SUGCT: variants seen among roughly 807,000 people sequenced by gnomAD.
SUGCT encodes succinyl-CoA:glutarate CoA-transferase.
Under a neutral mutation model 55.0 loss-of-function variants are expected in SUGCT, and 41 were observed. The ratio of observed to expected loss-of-function variants is 0.74; its 90% CI spans 0.58 to 0.97. The LOEUF (loss-of-function observed/expected upper bound fraction) is 0.97. SUGCT is among the 50% of genes least tolerant of loss of function. The pLI, the probability that SUGCT is intolerant of heterozygous loss-of-function variation, is 0.00. For missense variants in SUGCT, 568 were observed against 547.8 expected, an observed-to-expected ratio of 1.04 and a Z score of -0.37; for synonymous variants, 187 against 200.4, an observed-to-expected ratio of 0.93 and a Z score of 0.56.
the SUGCT span, among the ~76,000 whole-genome samples, chr7:41,021,003 G>A: frequency 6.6e-6 from 1 of 152,204 alleles, no homozygotes; most frequent in Non-Finnish European, 1.5e-5. Context: ...TGTGGCCTCC[G>A]TGAGGCACAG....
chr7:40,527,459 C>A (rs1583901832), intron 12 of SUGCT, among the ~76,000 whole-genome samples: 2 of 152,110 alleles, frequency 1.3e-5, no homozygotes, highest in African/African-American at 4.8e-5. Context: ...TCCTGTGTCC[C>A]ATTTTAGATG....
At chr7:40,736,023 A>G (rs1488361591) in intron 12 of SUGCT, among the ~76,000 whole-genome samples, 1 of 151,930 alleles carries the variant, frequency 6.6e-6, no homozygotes, top group East Asian at 1.9e-4. Context: ...GGTAGATTAG[A>G]TAGAAGAGAG....
the SUGCT span, among the ~76,000 whole-genome samples, chr7:40,868,778 C>T: frequency 1.3e-5 from 2 of 152,112 alleles, no homozygotes; most frequent in African/African-American, 4.8e-5. Flanking sequence ...AAATTCCTGG[C>T]CTCAAGTGAT....
intron 12 of SUGCT, among the ~76,000 whole-genome samples, chr7:40,632,835 G>A (rs986158843): frequency 4.6e-5 from 7 of 152,094 alleles, no homozygotes; most frequent in Admixed American, 1.3e-4. Context: ...AAATTGAAGT[G>A]CATGAGTATT....
At chr7:40,924,585 T>G in the SUGCT span, among the ~76,000 whole-genome samples, 1 of 152,176 alleles carries the variant, frequency 6.6e-6, no homozygotes, top group East Asian at 1.9e-4. Flanking sequence ...TACAGGAAGA[T>G]GCTCCAGGAC....
At chr7:40,692,167 A>T (rs1362751509) in intron 12 of SUGCT, among the ~76,000 whole-genome samples, 16 of 152,172 alleles carry the variant, frequency 1.1e-4, no homozygotes, top group Non-Finnish European at 2.4e-4. Flanking sequence ...CTGAGCAGAG[A>T]AAGGGCTTGA....
At chr7:40,513,515 AT>A (rs1793059677) in intron 12 of SUGCT, among the ~76,000 whole-genome samples, 1 of 152,118 alleles carries the variant, frequency 6.6e-6, no homozygotes. Flanking sequence ...TGAGAGCTCC[AT>A]TTCACTTATT....
At chr7:40,239,682 C>T (rs896308524) in intron 7 of SUGCT, among the ~76,000 whole-genome samples, 3 of 152,144 alleles carry the variant, frequency 2.0e-5, no homozygotes, top group Non-Finnish European at 2.9e-5. Flanking sequence ...ATATGCTCAA[C>T]CTTATAATTT....
At chr7:40,457,748 A>G (rs112954872) in intron 10 of SUGCT, among the ~76,000 whole-genome samples, 1,620 of 152,312 alleles carry the variant, frequency 0.011, 17 homozygotes, top group Middle Eastern at 0.044. Context: ...TGGGCATTCC[A>G]GTTACCCTTA....
intron 11 of SUGCT, among the ~76,000 whole-genome samples, chr7:40,460,546 CT>C (rs1562793507): frequency 6.6e-6 from 1 of 152,192 alleles, no homozygotes; most frequent in Non-Finnish European, 1.5e-5. Context: ...ATAATAGCCA[CT>C]TGTGAGAACC....
At chr7:40,230,263 G>A (rs1788640955) in intron 6 of SUGCT, among the ~76,000 whole-genome samples, 1 of 152,120 alleles carries the variant, frequency 6.6e-6, no homozygotes, top group South Asian at 2.1e-4. Context: ...AGGCCCAGAG[G>A]AATTAAAGAG....
intron 7 of SUGCT, among the ~76,000 whole-genome samples, chr7:40,274,285 G>A (rs1792314654): frequency 1.3e-5 from 2 of 151,672 alleles, no homozygotes; most frequent in Admixed American, 1.3e-4. Flanking sequence ...TTGGTTAGTA[G>A]GCATTGGGGA....
chr7:40,865,238 G>A (rs1432707803), downstream of SUGCT, among the ~76,000 whole-genome samples: 1 of 151,564 alleles, frequency 6.6e-6, no homozygotes, highest in African/African-American at 2.4e-5. Context: ...ATAGATCCAT[G>A]TTATACAACT....
At chr7:40,381,255 G>A (rs903509995) in intron 9 of SUGCT, among the ~76,000 whole-genome samples, 4 of 151,808 alleles carry the variant, frequency 2.6e-5, no homozygotes, top group African/African-American at 9.7e-5. Context: ...ATTAGTAGTA[G>A]TAGTAATAGC....
chr7:40,355,492 G>A (rs924956262), intron 9 of SUGCT, among the ~76,000 whole-genome samples: 2 of 152,164 alleles, frequency 1.3e-5, no homozygotes, highest in Non-Finnish European at 2.9e-5. Context: ...ACCCTTTTGA[G>A]CAGGAGTTGG....
intron 7 of SUGCT, among the ~76,000 whole-genome samples, chr7:40,240,055 A>C (rs553223158): frequency 1.2e-4 from 19 of 152,334 alleles, no homozygotes; most frequent in African/African-American, 4.6e-4. Flanking sequence ...TATTACATGC[A>C]AATAAAAAGA....
At chr7:40,232,690 A>G (rs1435714088) in intron 6 of SUGCT, among the ~76,000 whole-genome samples, 1 of 152,150 alleles carries the variant, frequency 6.6e-6, no homozygotes, top group Non-Finnish European at 1.5e-5. Flanking sequence ...ACGTCTAGAA[A>G]TTCACGTTTT....
At chr7:40,903,923 A>G in the SUGCT span, among the ~76,000 whole-genome samples, 1 of 152,132 alleles carries the variant, frequency 6.6e-6, no homozygotes, top group Non-Finnish European at 1.5e-5. Context: ...AGCACTTGAT[A>G]TATTTGGGAA....
Position 40,180,975 on chromosome 7 carries a change from G to A in SUGCT, c.129G>A (p.Gly43=). Residue 43 remains glycine (G), a synonymous_variant, in exon 2 of 14, where the codon GGG becomes GGA. Coordinates refer to ENST00000335693, the MANE Select transcript of SUGCT (RefSeq NM_001193313.2). ...SDMNNIKPLE[G]VKILDLTRVL... ...TGAACAATATAAAGCCATTGGAAGG[G>A]GTAAAAATTCTGGATCTAACAAGGT... 1 of 1,610,646 alleles carries A rather than the reference G, an allele frequency of 6.2e-7. No homozygotes were observed. Among genetic ancestry groups the A allele is most frequent in the South Asian group, 1.1e-5 (1 of 90,752 alleles).
Sources: allele counts gnomAD v4.1 joint callset (sites outside exome capture counted in the v4.1 genomes callset), GRCh38; gene constraint gnomAD v4.1.1; transcripts MANE v1.5; gene names NCBI Gene and HGNC (gene_info 2026-07-23, HGNC 2026-07-21).